The following AKAP6 variants were observed in gnomAD, a reference collection of about 807,000 sequenced individuals.
The protein encoded by AKAP6 is A-kinase anchoring protein 6.
AKAP6 carries 58 observed loss-of-function variants against 188.5 expected under a neutral mutation model. That is an observed-to-expected ratio of 0.31 (90% CI 0.25 to 0.38). The LOEUF is 0.38. AKAP6 is among the 10% of genes least tolerant of loss of function. AKAP6 has a pLI of 1.00. For synonymous variants in AKAP6, 989 were observed against 998.6 expected (o/e 0.99, Z 0.18); for missense variants, 2,710 against 2,740.0 (o/e 0.99, Z 0.24).
At chr14:32,745,495 CTG>C (rs1321365298) in intron 11 of AKAP6, among the ~76,000 whole-genome samples, 139 of 107,316 alleles carry the variant, frequency 1.3e-3, no homozygotes, top group South Asian at 2.7e-3. Flanking sequence ...CTCTCTCTCT[CTG>C]TCTCTCTCTC....
intron 9 of AKAP6, among the ~76,000 whole-genome samples, chr14:32,718,912 G>A (rs2030376509): frequency 6.6e-6 from 1 of 152,122 alleles, no homozygotes; most frequent in Admixed American, 6.6e-5. Context: ...GAATTACAGT[G>A]GGTAAAGAGT....
Position 32,837,389 on chromosome 14 carries a change from T to G in AKAP6, c.*7584T>G, listed in dbSNP as rs1046335148. On this transcript the variant is annotated 3_prime_UTR_variant, in exon 14 of 14. Transcript: ENST00000280979. ...TAAAACAAATATTATTCAGTGAAAT[T>G]TATTCAAGGACTTAAAATGATTGAA... The G allele has an allele frequency of 3.9e-5, 6 of 152,180 alleles. No homozygotes were observed. Among genetic ancestry groups the G allele is most frequent in the Non-Finnish European group, 7.4e-5 (5 of 68,026 alleles). 9.4% of individuals were successfully genotyped at this position (152,180 alleles called of 1,614,324 possible). A position where few individuals can be genotyped will look rare whatever the true frequency, so the allele number is the denominator to read the frequency against.
chr14:32,674,058 C>T (rs766461244), intron 7 of AKAP6, among the ~76,000 whole-genome samples: 2 of 152,054 alleles, frequency 1.3e-5, no homozygotes, highest in African/African-American at 4.8e-5. Context: ...CAGCTGAGAG[C>T]TGGAAAGATG....
intron 7 of AKAP6, among the ~76,000 whole-genome samples, chr14:32,674,469 G>A (rs980109767): frequency 6.6e-6 from 1 of 152,140 alleles, no homozygotes; most frequent in African/African-American, 2.4e-5. Flanking sequence ...TGGAGAAGGA[G>A]ACTGCAGAGA....
chr14:32,365,049 G>A (rs1208071759), intron 1 of AKAP6, among the ~76,000 whole-genome samples: 1 of 152,140 alleles, frequency 6.6e-6, no homozygotes, highest in Admixed American at 6.5e-5. Flanking sequence ...GCCCAAGTTA[G>A]CATATTGAAA....
intron 1 of AKAP6, among the ~76,000 whole-genome samples, chr14:32,411,373 AT>A (rs1889478308): frequency 1.3e-5 from 2 of 152,178 alleles, no homozygotes; most frequent in Non-Finnish European, 2.9e-5. Context: ...CACTCTGGGA[AT>A]TGAATGGAGG....
chr14:32,540,166 C>CTATATATATATATATA (rs1459842154), intron 3 of AKAP6, among the ~76,000 whole-genome samples: 1 of 87,418 alleles, frequency 1.1e-5, no homozygotes, highest in African/African-American at 6.2e-5. Context: ...CTCTCTCTCT[C>CTATATATATATATATA]TCTATATATA....
At chr14:32,489,384 A>T (rs1359876705) in intron 2 of AKAP6, among the ~76,000 whole-genome samples, 1 of 151,958 alleles carries the variant, frequency 6.6e-6, no homozygotes, top group African/African-American at 2.4e-5. Context: ...AATTTTTAAA[A>T]TTTTTTATAG....
intron 11 of AKAP6, among the ~76,000 whole-genome samples, chr14:32,750,754 T>TG (rs947400336): frequency 1.3e-5 from 2 of 150,318 alleles, no homozygotes; most frequent in African/African-American, 4.9e-5. Context: ...TTTTTTTGTT[T>TG]TTTTTTCAGA....
intron 5 of AKAP6, among the ~76,000 whole-genome samples, chr14:32,587,768 C>T (rs1156812445): frequency 1.3e-5 from 2 of 152,146 alleles, no homozygotes; most frequent in South Asian, 4.1e-4. Context: ...TGCTCTACAG[C>T]TGGGCAAGAT....
chr14:32,379,005 G>A (rs186846770), intron 1 of AKAP6, among the ~76,000 whole-genome samples: 10 of 148,176 alleles, frequency 6.7e-5, no homozygotes, highest in East Asian at 2.0e-4. Context: ...TGCAACCTCC[G>A]CCTCCTGGGT....
In AKAP6 at chr14:32,823,514, G is replaced by A. The variant is rs147716386; in HGVS notation, c.5701G>A (p.Gly1901Ser). The A allele has an allele frequency of 2.5e-6, 4 of 1,613,632 alleles. No homozygotes were observed. In the African/African-American group the frequency reaches 4.0e-5, roughly 16 times the overall value. The change falls in exon 13 of 14, where the codon GGT (glycine) becomes AGT (serine). Residue 1901 changes from glycine (G) to serine (S), a missense_variant. Gly to Ser is a moderately conservative substitution (Grantham distance 56, BLOSUM62 0). Coordinates refer to ENST00000280979, the MANE Select transcript of AKAP6 (RefSeq NM_004274.5). ...VADMENGNIE[G>S]IPERQKGKPN... ...TGACATGGAAAATGGCAATATTGAA[G>A]GTATTCCAGAAAGGCAAAAGGGAAA...
chr14:32,625,650 TA>T (rs3842332), intron 7 of AKAP6, among the ~76,000 whole-genome samples: 151 of 146,900 alleles, frequency 1.0e-3, no homozygotes, highest in Middle Eastern at 3.5e-3. Context: ...TTTATACAAA[TA>T]AAAAAAAAAA....
intron 1 of AKAP6, among the ~76,000 whole-genome samples, chr14:32,409,510 A>G (rs938950951): frequency 6.6e-6 from 1 of 152,294 alleles, no homozygotes; most frequent in African/African-American, 2.4e-5. Context: ...TCTTCAAAAA[A>G]CAGTAGCCCC....
intron 5 of AKAP6, among the ~76,000 whole-genome samples, chr14:32,585,644 A>G (rs1314296187): frequency 6.6e-6 from 1 of 152,222 alleles, no homozygotes; most frequent in Admixed American, 6.5e-5. Context: ...GTAGTCATCT[A>G]TAGACCCATA....
chr14:32,823,151 G>T lies in AKAP6; in HGVS notation c.5338G>T (p.Ala1780Ser). ...AGATGAGGATGACGACTCCAGTATT[G>T]CAACAGATGATGAAATTTATGAAGA... ...IKDEDDDSSI[A>S]TDDEIYEDCT... The change falls in exon 13 of 14, where the codon GCA becomes TCA. Residue 1780 changes from alanine (A) to serine (S), a missense_variant. Physicochemically the swap from Ala to Ser is moderately conservative, Grantham distance 99. Around this residue, in one of 2 missense-constraint regions of AKAP6, gnomAD observed 2,473 missense variants for 2,426.1 expected, o/e 1.02. Coordinates refer to ENST00000280979, the MANE Select transcript of AKAP6 (RefSeq NM_004274.5). 1 of 1,613,744 alleles carries T rather than the reference G, an allele frequency of 6.2e-7. No homozygotes were observed. The highest frequency in any genetic ancestry group is 8.5e-7 in the Non-Finnish European group (1 of 1,179,872).
chr14:32,405,500 C>T (rs1451589537), intron 1 of AKAP6, among the ~76,000 whole-genome samples: 1 of 152,096 alleles, frequency 6.6e-6, no homozygotes, highest in Non-Finnish European at 1.5e-5. Context: ...TGTATAATCT[C>T]AAATTTTCAT....
rs1378442375 is a variant in AKAP6, at chr14:32,684,876, G to A, written c.2879+6417G>A. ...TGTGTTGCAGACAGTAGTATGAGAT[G>A]CTAGCAATGAAAAAGATACGTAAGA... On this transcript the variant is annotated intron_variant, in intron 8 of 13. Transcript: ENST00000280979. 3.9e-5 allele frequency among the ~76,000 whole-genome samples: 6 copies of A among 152,070 alleles called. 1 individual carries two copies. Among genetic ancestry groups the A allele is most frequent in the Admixed American group, 3.9e-4 (6 of 15,270 alleles).
intron 7 of AKAP6, among the ~76,000 whole-genome samples, chr14:32,620,788 C>T (rs1204095295): frequency 2.6e-5 from 4 of 151,428 alleles, no homozygotes; most frequent in Non-Finnish European, 4.4e-5. Context: ...TCCATTTGAC[C>T]CAGGGCTTTT....
Sources: allele counts gnomAD v4.1 joint callset (sites outside exome capture counted in the v4.1 genomes callset), GRCh38; gene constraint gnomAD v4.1.1; regional missense constraint gnomAD v4.1.1; transcripts MANE v1.5; gene names NCBI Gene and HGNC (gene_info 2026-07-23, HGNC 2026-07-21).